Variants in RAF1 observed in about 807,000 individuals in gnomAD.
The protein encoded by RAF1 is Raf-1 proto-oncogene, serine/threonine kinase.
Under a neutral mutation model 81.1 loss-of-function variants are expected in RAF1, and 27 were observed. The ratio of observed to expected loss-of-function variants is 0.33; its 90% confidence interval spans 0.25 to 0.46. RAF1 has a LOEUF of 0.46. Among genes scored for constraint, RAF1 ranks in the 20% least tolerant of loss-of-function variants. The pLI is 1.00. For missense variants in RAF1, 598 were observed against 826.0 expected (o/e 0.72, Z 3.38); for synonymous variants, 298 against 294.0 (o/e 1.01, Z -0.14).
At chr3:12,588,913 C>T (rs1017538493) in intron 13 of RAF1, 4 of 152,134 alleles carry the variant, frequency 2.6e-5, no homozygotes, top group African/African-American at 4.8e-5. Context: ...CCTGCAGTAA[C>T]GAGTGAGTTC....
intron 1 of RAF1, among the ~76,000 whole-genome samples, chr3:12,630,428 T>G (rs1348626506): frequency 6.6e-6 from 1 of 152,298 alleles, no homozygotes; most frequent in South Asian, 2.1e-4. Flanking sequence ...AAGCCTATCT[T>G]CTGCTGGAGG....
intron 1 of RAF1, among the ~76,000 whole-genome samples, chr3:12,657,002 A>G (rs1045357892): frequency 1.7e-4 from 24 of 145,396 alleles, no homozygotes; most frequent in African/African-American, 5.2e-4. Context: ...CATCTCGGGG[A>G]AAAAAAAAAA....
At chr3:12,646,360 C>T (rs1346451876) in intron 1 of RAF1, among the ~76,000 whole-genome samples, 2 of 143,996 alleles carry the variant, frequency 1.4e-5, no homozygotes, top group African/African-American at 5.3e-5. Context: ...AATATAATAA[C>T]GATATTACCG....
intron 8 of RAF1, among the ~76,000 whole-genome samples, chr3:12,601,482 G>T (rs1305675315): frequency 6.6e-6 from 1 of 152,090 alleles, no homozygotes; most frequent in African/African-American, 2.4e-5. Context: ...AAAATTCATC[G>T]CTTGGAATAG....
At chr3:12,610,265 T>C (rs1196299524) in intron 3 of RAF1, among the ~76,000 whole-genome samples, 1 of 152,210 alleles carries the variant, frequency 6.6e-6, no homozygotes, top group African/African-American at 2.4e-5. Flanking sequence ...ACCAGAAGCC[T>C]AGTCAAGCCA....
chr3:12,635,290 G>A (rs2059983132), intron 1 of RAF1, among the ~76,000 whole-genome samples: 1 of 120,862 alleles, frequency 8.3e-6, no homozygotes, highest in African/African-American at 3.3e-5. Context: ...CTGTACTCCA[G>A]CCTGGGTGAC....
chr3:12,624,897 A>AAAC (rs2059657530), intron 1 of RAF1, among the ~76,000 whole-genome samples: 3 of 139,032 alleles, frequency 2.2e-5, no homozygotes, highest in Non-Finnish European at 3.0e-5. Context: ...AAAAAAAAAA[A>AAAC]AAAAACAAAA....
chr3:12,634,246 A>G (rs1233432086), intron 1 of RAF1, among the ~76,000 whole-genome samples: 3 of 150,810 alleles, frequency 2.0e-5, no homozygotes, highest in African/African-American at 7.3e-5. Flanking sequence ...TCCCAGGTTC[A>G]AGCGATTCTC....
At chr3:12,638,864 T>A (rs936018205) in intron 1 of RAF1, among the ~76,000 whole-genome samples, 1 of 151,850 alleles carries the variant, frequency 6.6e-6, no homozygotes, top group Non-Finnish European at 1.5e-5. Context: ...GGCCTAAAAA[T>A]ACAAAAAAAG....
In RAF1 at chr3:12,584,581, C is replaced by T. The variant is rs730881006; in HGVS notation, c.1940G>A (p.Arg647Gln). Residue 647 changes from arginine to glutamine, a missense_variant, in exon 18 of 18, where the codon CGG becomes CAG. Around this residue, in one of 5 missense-constraint regions of RAF1, gnomAD observed 147 missense variants for 196.1 expected, o/e 0.75. Coordinates refer to ENST00000442415, the MANE Select transcript of RAF1 (RefSeq NM_001354689.3). ...ATTGATATCCTCAGTGTGGGCTGCCCGATGCAAGGATGGCTCGGAAGCGCT... is the reference window on the plus strand; with the variant it reads ...ATTGATATCCTCAGTGTGGGCTGCCTGATGCAAGGATGGCTCGGAAGCGCT... 3.1e-6 allele frequency: 5 copies of T among 1,614,088 alleles called. No individual in the cohort carries two copies. The highest frequency in any genetic ancestry group is 1.1e-5 in the South Asian group (1 of 91,078).
At chr3:12,653,808 T>C (rs749621691) in intron 1 of RAF1, among the ~76,000 whole-genome samples, 1 of 151,806 alleles carries the variant, frequency 6.6e-6, no homozygotes, top group African/African-American at 2.4e-5. Context: ...ACCATAAACT[T>C]TGAATAACAG....
At chr3:12,652,307 G>T (rs2060557418) in intron 1 of RAF1, among the ~76,000 whole-genome samples, 1 of 151,980 alleles carries the variant, frequency 6.6e-6, no homozygotes, top group African/African-American at 2.4e-5. Flanking sequence ...CGGATCATAA[G>T]GTCAGGAGTT....
chr3:12,629,878 G>A (rs952618157), intron 1 of RAF1, among the ~76,000 whole-genome samples: 9 of 152,158 alleles, frequency 5.9e-5, no homozygotes, highest in African/African-American at 1.2e-4. Flanking sequence ...CTTGAGCCAC[G>A]TTCAAGCAAT....
chr3:12,627,315 T>C (rs1194144521), intron 1 of RAF1, among the ~76,000 whole-genome samples: 2 of 152,348 alleles, frequency 1.3e-5, no homozygotes, highest in African/African-American at 2.4e-5. Context: ...AAGCTACTTC[T>C]CTCTGGATTC....
intron 17 of RAF1, 68 bp from the exon 17 acceptor site, chr3:12,584,725 A>C (rs1487892487): frequency 6.2e-7 from 1 of 1,612,732 alleles, no homozygotes; most frequent in African/African-American, 1.3e-5. Flanking sequence ...CCTGCCCCCC[A>C]CCATCTTGTA....
At position 12,609,178 on chromosome 3, in the gene RAF1, G is replaced by A. The variant is rs2059132397; in HGVS notation, c.423+55C>T. 3.0e-6 allele frequency: 4 copies of A among 1,344,440 alleles called. No individual in the cohort carries two copies. The African/African-American group carries it at 5.8e-5, about 19-fold the overall frequency. 83.3% of individuals were successfully genotyped at this position (1,344,440 alleles called of 1,614,324 possible). ...TACGCATATTACCTGAGAAATCTCTGTTATGCCTGGCAAAGCCCTCAACAT... is the reference window on the plus strand; with the variant it reads ...TACGCATATTACCTGAGAAATCTCTATTATGCCTGGCAAAGCCCTCAACAT... On this transcript the variant is annotated intron_variant, in intron 4 of 17. Transcript: ENST00000442415.
intron 1 of RAF1, among the ~76,000 whole-genome samples, chr3:12,635,659 A>AG (rs1297978365): frequency 1.6e-5 from 2 of 123,744 alleles, no homozygotes; most frequent in Non-Finnish European, 3.2e-5. Flanking sequence ...AAAAAAAAAA[A>AG]AGAGAGAGAG....
intron 1 of RAF1, among the ~76,000 whole-genome samples, chr3:12,627,452 C>A (rs1182259750): frequency 6.6e-6 from 1 of 152,150 alleles, no homozygotes; most frequent in Non-Finnish European, 1.5e-5. Flanking sequence ...CTACATGGGC[C>A]TAACCCCAAA....
chr3:12,609,088 A>G (rs2059128299), intron 4 of RAF1, 145 bp downstream of exon 4: 2 of 1,015,020 alleles, frequency 2.0e-6, no homozygotes, highest in African/African-American at 3.2e-5. Context: ...AATGAAATCT[A>G]AATTGCCTTA....
Sources: allele counts gnomAD v4.1 joint callset (sites outside exome capture counted in the v4.1 genomes callset), GRCh38; gene constraint gnomAD v4.1.1; regional missense constraint gnomAD v4.1.1; transcripts MANE v1.5; gene names NCBI Gene and HGNC (gene_info 2026-07-23, HGNC 2026-07-21).